TMEM131: variants seen among roughly 807,000 people sequenced by gnomAD.
TMEM131 encodes the protein transmembrane protein 131.
In TMEM131, 66 loss-of-function variants were observed where a neutral mutation model predicts 211.6. That is an observed-to-expected ratio of 0.31 (90% CI 0.26 to 0.38). The LOEUF (loss-of-function observed/expected upper bound fraction) is 0.38, where lower values mean the gene tolerates loss of function less well. TMEM131 is among the 10% of genes least tolerant of loss of function. The pLI, the probability that TMEM131 is intolerant of heterozygous loss-of-function variation, is 1.00. For synonymous variants in TMEM131, 844 were observed against 841.3 expected, an observed-to-expected ratio of 1.00 and a Z score of -0.06; for missense variants, 2,036 against 2,299.3, an observed-to-expected ratio of 0.89 and a Z score of 2.34.
At chr2:97,813,801 GA>G (rs1348094419) in intron 15 of TMEM131, among the ~76,000 whole-genome samples, 169 bp downstream of exon 15, 2 of 152,178 alleles carry the variant, frequency 1.3e-5, no homozygotes. Context: ...AGAGCTGCCA[GA>G]AAAGGTAAAA....
At chr2:97,786,185 T>C (rs1680242625) in intron 31 of TMEM131, among the ~76,000 whole-genome samples, 1 of 152,086 alleles carries the variant, frequency 6.6e-6, no homozygotes, top group Non-Finnish European at 1.5e-5. Context: ...GGGTAAAAGG[T>C]ATAAGAGATC....
chr2:97,757,050 A>T lies in TMEM131; in HGVS notation c.*49T>A. The T allele has an allele frequency of 6.6e-7, 1 of 1,516,322 alleles. No individual in the cohort carries two copies. Among genetic ancestry groups the T allele is most frequent in the Non-Finnish European group, 8.8e-7 (1 of 1,130,466 alleles). 93.9% of individuals were successfully genotyped at this position (1,516,322 alleles called of 1,614,324 possible). A position where few individuals can be genotyped will look rare whatever the true frequency, so the allele number is the denominator to read the frequency against. On this transcript the variant is annotated 3_prime_UTR_variant, in exon 41 of 41. Coordinates refer to ENST00000186436, the MANE Select transcript of TMEM131 (RefSeq NM_015348.2). ...AAAAAGATGTCTCAGAAACTGGCAC[A>T]TCATGATCTAGACGAGGGCCCACTA...
intron 4 of TMEM131, among the ~76,000 whole-genome samples, chr2:97,873,057 G>T (rs925916441): frequency 6.6e-6 from 1 of 152,208 alleles, no homozygotes; most frequent in East Asian, 1.9e-4. Context: ...GGAGCTTGGT[G>T]GGGGGAGGGG....
intron 1 of TMEM131, among the ~76,000 whole-genome samples, chr2:97,932,806 A>C (rs1677285046): frequency 6.6e-6 from 1 of 152,222 alleles, no homozygotes; most frequent in Non-Finnish European, 1.5e-5. Flanking sequence ...AGCCCAAAAC[A>C]GCAGGCCCTA....
intron 2 of TMEM131, among the ~76,000 whole-genome samples, chr2:97,909,143 G>A (rs886419830): frequency 1.3e-5 from 2 of 152,130 alleles, no homozygotes; most frequent in Non-Finnish European, 2.9e-5. Flanking sequence ...AAAAGGTGCT[G>A]TGAACAGGAA....
intron 1 of TMEM131, among the ~76,000 whole-genome samples, chr2:97,972,921 A>T (rs1371518714): frequency 6.6e-6 from 1 of 152,186 alleles, no homozygotes; most frequent in Non-Finnish European, 1.5e-5. Context: ...GGGCCTTCAG[A>T]AAGAAATACA....
chr2:97,913,813 A>G (rs564946541), intron 2 of TMEM131, among the ~76,000 whole-genome samples: 2 of 152,202 alleles, frequency 1.3e-5, no homozygotes, highest in East Asian at 1.9e-4. Context: ...CAGCACATGC[A>G]CACAAACCCG....
intron 1 of TMEM131, among the ~76,000 whole-genome samples, chr2:97,956,900 C>A (rs1232815516): frequency 1.3e-5 from 2 of 151,980 alleles, no homozygotes; most frequent in African/African-American, 2.4e-5. Flanking sequence ...GAGTTTGAGA[C>A]CAGCCTGGCC....
intron 7 of TMEM131, among the ~76,000 whole-genome samples, chr2:97,837,903 T>C (rs1683006997): frequency 6.6e-6 from 1 of 152,228 alleles, no homozygotes. Flanking sequence ...TTCCTATTTC[T>C]AGGCAACCAC....
intron 3 of TMEM131, among the ~76,000 whole-genome samples, chr2:97,906,780 G>T (rs1018712373): frequency 2.0e-5 from 3 of 152,188 alleles, no homozygotes; most frequent in African/African-American, 7.2e-5. Context: ...CTCCCCAGCT[G>T]AGTCCCCAGA....
chr2:97,912,889 T>C (rs554624751), intron 2 of TMEM131, among the ~76,000 whole-genome samples: 168 of 152,266 alleles, frequency 1.1e-3, no homozygotes, highest in African/African-American at 3.8e-3. Context: ...TCCAATCAAA[T>C]AGACCAGCCT....
At chr2:97,939,193 G>A (rs1297671623) in intron 1 of TMEM131, among the ~76,000 whole-genome samples, 1 of 152,112 alleles carries the variant, frequency 6.6e-6, no homozygotes, top group Non-Finnish European at 1.5e-5. Flanking sequence ...CAGAACTGAA[G>A]GAGATACAGA....
chr2:97,990,195 ATTTCCCTGTATTATC>A (rs1436182888), intron 1 of TMEM131, among the ~76,000 whole-genome samples: 3 of 152,126 alleles, frequency 2.0e-5, no homozygotes, highest in African/African-American at 7.2e-5. Flanking sequence ...CCAAATATTC[ATTTCCCTGTATTATC>A]CACTCACTGG....
intron 1 of TMEM131, among the ~76,000 whole-genome samples, chr2:97,964,237 G>T (rs190276124): frequency 2.6e-5 from 4 of 152,212 alleles, no homozygotes; most frequent in Non-Finnish European, 5.9e-5. Context: ...AAATACTGCT[G>T]TAATACAATT....
At chr2:97,820,991 G>A (rs1309139075) in intron 11 of TMEM131, among the ~76,000 whole-genome samples, 1 of 152,024 alleles carries the variant, frequency 6.6e-6, no homozygotes, top group Non-Finnish European at 1.5e-5. Context: ...GCCAAGCTTT[G>A]TTACAGGTGA....
intron 4 of TMEM131, among the ~76,000 whole-genome samples, chr2:97,879,007 T>C (rs1674810079): frequency 6.6e-6 from 1 of 152,232 alleles, no homozygotes; most frequent in Non-Finnish European, 1.5e-5. Flanking sequence ...TCTGTGCATA[T>C]GTGACATCAA....
intron 26 of TMEM131, 60 bp from the exon 27 acceptor site, chr2:97,797,046 T>C: frequency 6.5e-7 from 1 of 1,528,136 alleles, no homozygotes; most frequent in South Asian, 1.2e-5. Context: ...TCTTTTGATT[T>C]GCAATTTCTA....
Position 97,995,812 on chromosome 2 carries a change from C to G in TMEM131, c.-150G>C. 1 of 380,540 alleles carries G rather than the reference C, an allele frequency of 2.6e-6. No homozygotes were observed. Among genetic ancestry groups the G allele is most frequent in the Non-Finnish European group, 4.1e-6 (1 of 245,346 alleles). 23.6% of individuals were successfully genotyped at this position (380,540 alleles called of 1,614,324 possible). A position where few individuals can be genotyped will look rare whatever the true frequency, so the allele number is the denominator to read the frequency against. ...CGGGGCTCGATCTCCGAGCGTGGGCCTGGGTCCGTGCGTGCGTGTGAGCGA... is the reference window on the plus strand; with the variant it reads ...CGGGGCTCGATCTCCGAGCGTGGGCGTGGGTCCGTGCGTGCGTGTGAGCGA... On this transcript the variant is annotated 5_prime_UTR_variant, in exon 1 of 41. Transcript: ENST00000186436.
chr2:97,949,764 G>A (rs1573603923), intron 1 of TMEM131, among the ~76,000 whole-genome samples: 1 of 140,030 alleles, frequency 7.1e-6, no homozygotes, highest in East Asian at 2.0e-4. Context: ...CGCTTGCAGT[G>A]AGCCGAGACC....
Sources: gnomAD v4.1 joint callset for allele counts (sites outside exome capture counted in the v4.1 genomes callset) on GRCh38, gnomAD v4.1.1 for gene constraint, MANE v1.5 for transcripts, NCBI Gene and HGNC (gene_info 2026-07-23, HGNC 2026-07-21) for gene names.